Variants in DPP10 observed in about 807,000 individuals in gnomAD.
The protein encoded by DPP10 is dipeptidyl peptidase like 10, also known as inactive dipeptidyl peptidase 10.
Under a neutral mutation model 120.9 loss-of-function variants are expected in DPP10, and 33 were observed. That is an observed-to-expected ratio of 0.27 (90% CI 0.21 to 0.37). The LOEUF is 0.37. Among genes scored for constraint, DPP10 ranks in the 10% least tolerant of loss-of-function variants. The probability of loss-of-function intolerance (pLI) is 1.00; values close to 1 mark genes in which losing one functional copy is unlikely to be tolerated. For missense variants in DPP10, 816 were observed against 942.8 expected (o/e 0.87, Z 1.76); for synonymous variants, 337 against 326.1 (o/e 1.03, Z -0.36).
chr2:115,017,430 T>G (rs1162470329), intron 1 of DPP10, among the ~76,000 whole-genome samples: 1 of 152,118 alleles, frequency 6.6e-6, no homozygotes, highest in East Asian at 1.9e-4. Context: ...TCAACCACTG[T>G]GGAAGAAAGT....
At chr2:115,379,176 T>C (rs2066074518) in intron 3 of DPP10, among the ~76,000 whole-genome samples, 1 of 152,370 alleles carries the variant, frequency 6.6e-6, no homozygotes, top group Admixed American at 6.5e-5. Flanking sequence ...TGAATCCATC[T>C]GGTCCTGGAC....
chr2:115,836,734 G>A lies in DPP10; in HGVS notation c.2170G>A (p.Gly724Arg). The stretch of plus-strand genomic sequence containing the variant: ...AGAAGAAAATATATTAATAATTCAT[G>A]GAACTGCTGACAGTAAGTATTATAC... ...LKEENILIIH[G>R]TADTKVHFQH... is the part of the protein sequence containing the mutation. The change falls in exon 24 of 26, where the codon GGA becomes AGA. Residue 724 changes from glycine (G) to arginine (R), a missense_variant. Physicochemically the swap from Gly to Arg is moderately radical, Grantham distance 125. Coordinates refer to ENST00000410059, the MANE Select transcript of DPP10 (RefSeq NM_020868.6). The A allele has an allele frequency of 6.2e-7, 1 of 1,612,914 alleles. No homozygotes were observed. The highest frequency in any genetic ancestry group is 8.5e-7 in the Non-Finnish European group (1 of 1,179,534).
chr2:115,373,655 G>C (rs761303306), intron 3 of DPP10, among the ~76,000 whole-genome samples: 15 of 151,954 alleles, frequency 9.9e-5, no homozygotes, highest in African/African-American at 3.4e-4. Context: ...AAGTTAAAAT[G>C]GTAATAAAGT....
chr2:115,459,484 C>T (rs1036883882), intron 3 of DPP10, among the ~76,000 whole-genome samples: 1 of 152,084 alleles, frequency 6.6e-6, no homozygotes, highest in Non-Finnish European at 1.5e-5. Context: ...ATAAAGTTTT[C>T]TAACCACATG....
At chr2:115,105,877 C>T (rs544177898) in intron 1 of DPP10, among the ~76,000 whole-genome samples, 1 of 152,142 alleles carries the variant, frequency 6.6e-6, no homozygotes, top group East Asian at 1.9e-4. Context: ...TATTGAAAAT[C>T]ATGCAGGCAA....
At chr2:114,771,018 A>C (rs1333157254) in intron 1 of DPP10, among the ~76,000 whole-genome samples, 2 of 152,224 alleles carry the variant, frequency 1.3e-5, no homozygotes, top group Non-Finnish European at 2.9e-5. Flanking sequence ...TGTTATGTTT[A>C]ATTGATATAA....
chr2:114,585,597 C>T (rs530733574), intron 1 of DPP10, among the ~76,000 whole-genome samples: 1 of 152,270 alleles, frequency 6.6e-6, no homozygotes, highest in South Asian at 2.1e-4. Context: ...CACTGAGCTA[C>T]AAGTTCAAAC....
chr2:115,056,883 T>TA (rs1223590103), intron 1 of DPP10, among the ~76,000 whole-genome samples: 3 of 152,220 alleles, frequency 2.0e-5, no homozygotes, highest in African/African-American at 7.2e-5. Context: ...CAAAATAATC[T>TA]AAAACAGCTT....
chr2:114,795,172 A>G (rs2106255134), intron 1 of DPP10, among the ~76,000 whole-genome samples: 1 of 152,270 alleles, frequency 6.6e-6, no homozygotes, highest in African/African-American at 2.4e-5. Context: ...ACCTTTTTCC[A>G]GAATTCTAAG....
intron 5 of DPP10, among the ~76,000 whole-genome samples, chr2:115,569,643 A>T (rs572804142): frequency 9.1e-4 from 139 of 152,316 alleles, no homozygotes; most frequent in African/African-American, 3.2e-3. Flanking sequence ...TCACTGGGGA[A>T]GTACATTTTC....
chr2:115,220,788 A>T (rs1248695870), intron 1 of DPP10, among the ~76,000 whole-genome samples: 2 of 152,122 alleles, frequency 1.3e-5, no homozygotes, highest in Admixed American at 1.3e-4. Flanking sequence ...GGGAAATACA[A>T]CAATAATTTG....
At chr2:115,618,307 A>G (rs374592472) in intron 5 of DPP10, among the ~76,000 whole-genome samples, 5 of 152,202 alleles carry the variant, frequency 3.3e-5, no homozygotes, top group East Asian at 3.9e-4. Flanking sequence ...ATTGAGTGCA[A>G]TGTGTCAGTT....
intron 21 of DPP10, among the ~76,000 whole-genome samples, chr2:115,834,755 T>C (rs1376698487): frequency 6.6e-6 from 1 of 152,114 alleles, no homozygotes; most frequent in African/African-American, 2.4e-5. Flanking sequence ...CTTCATGAGT[T>C]TTTAGCTAAG....
intron 5 of DPP10, among the ~76,000 whole-genome samples, chr2:115,549,216 A>G (rs77517640): frequency 6.2e-4 from 94 of 152,292 alleles, no homozygotes; most frequent in African/African-American, 1.2e-3. Flanking sequence ...TGTACAAACT[A>G]GTTACCCTGA....
In DPP10 at chr2:115,158,162, G is replaced by A. The variant is rs372337872; in HGVS notation, c.61-151077G>A. ...TTTGGTCCTTTGTCTGCTATTTGAGGTGGAGGATTAAATACTGCATAGATG... is the reference window on the plus strand; with the variant it reads ...TTTGGTCCTTTGTCTGCTATTTGAGATGGAGGATTAAATACTGCATAGATG... On this transcript the variant is annotated intron_variant, in intron 1 of 25. Coordinates refer to ENST00000410059, the MANE Select transcript of DPP10 (RefSeq NM_020868.6). 2.0e-4 allele frequency among the ~76,000 whole-genome samples: 31 copies of A among 152,292 alleles called. No homozygotes were observed. In the East Asian group the frequency reaches 3.5e-3, roughly 17 times the overall value.
chr2:115,591,446 T>C (rs1261438553), intron 5 of DPP10, among the ~76,000 whole-genome samples: 1 of 152,218 alleles, frequency 6.6e-6, no homozygotes, highest in Non-Finnish European at 1.5e-5. Context: ...GTCAGGTTTT[T>C]CAAAGATCAG....
intron 21 of DPP10, among the ~76,000 whole-genome samples, chr2:115,818,701 T>C (rs1241861820): frequency 6.6e-6 from 1 of 152,170 alleles, no homozygotes; most frequent in African/African-American, 2.4e-5. Flanking sequence ...GCCGAGACGA[T>C]AGAGGATCTT....
chr2:115,605,257 G>A (rs894805941), intron 5 of DPP10, among the ~76,000 whole-genome samples: 3 of 152,042 alleles, frequency 2.0e-5, no homozygotes, highest in Non-Finnish European at 4.4e-5. Context: ...AAACATAATA[G>A]TATCACTGTT....
At chr2:115,070,190 A>C (rs1707255465) in intron 1 of DPP10, among the ~76,000 whole-genome samples, 1 of 152,136 alleles carries the variant, frequency 6.6e-6, no homozygotes, top group Non-Finnish European at 1.5e-5. Context: ...ATGTGACATT[A>C]CACATCTCTT....
Sources: gnomAD v4.1 joint callset for allele counts (sites outside exome capture counted in the v4.1 genomes callset) on GRCh38, gnomAD v4.1.1 for gene constraint, MANE v1.5 for transcripts, NCBI Gene and HGNC (gene_info 2026-07-23, HGNC 2026-07-21) for gene names.